The following MEGF10 variants were observed in gnomAD, a reference collection of about 807,000 sequenced individuals.
MEGF10 encodes multiple epidermal growth factor-like domains protein 10.
A neutral mutation model predicts 147.5 loss-of-function variants in MEGF10; 86 were observed. The ratio of observed to expected loss-of-function variants is 0.58; its 90% CI spans 0.49 to 0.70. MEGF10 has a LOEUF of 0.70. MEGF10 is among the 30% of genes least tolerant of loss of function. MEGF10 has a pLI of 0.00. For missense variants in MEGF10, 1,329 were observed against 1,487.3 expected, an observed-to-expected ratio of 0.89 and a Z score of 1.75; for synonymous variants, 478 against 525.5, an observed-to-expected ratio of 0.91 and a Z score of 1.24.
At chr5:127,325,842 T>C (rs1035686056) in intron 1 of MEGF10, among the ~76,000 whole-genome samples, 18 of 118,092 alleles carry the variant, frequency 1.5e-4, no homozygotes, top group East Asian at 6.4e-4. Flanking sequence ...TATATATATA[T>C]ACATATATGT....
intron 11 of MEGF10, 135 bp downstream of exon 11, chr5:127,419,375 A>G: frequency 9.6e-7 from 1 of 1,046,844 alleles, no homozygotes; most frequent in East Asian, 2.5e-5. Flanking sequence ...CAAGCCCCTC[A>G]TCCAGTATGG....
In MEGF10 at chr5:127,331,369, G is replaced by A; in HGVS notation, c.61G>A (p.Gly21Arg). The A allele has an allele frequency of 6.2e-7, 1 of 1,613,366 alleles. No homozygotes were observed. Among genetic ancestry groups the A allele is most frequent in the Non-Finnish European group, 8.5e-7 (1 of 1,179,470 alleles). Reference protein sequence around the residue: ...FICLLLCHWIGTASPLNLEDP... With the variant: ...FICLLLCHWIRTASPLNLEDP... Reference sequence around the variant, plus strand: ...TTGTTTATTGTTATGCCACTGGATTGGGACAGCATCACCTCTGAATCTTGA... The same window carrying A: ...TTGTTTATTGTTATGCCACTGGATTAGGACAGCATCACCTCTGAATCTTGA... The change falls in exon 2 of 25, where the codon GGG (glycine) becomes AGG (arginine). Residue 21 changes from glycine (G) to arginine (R), a missense_variant. Gly to Arg is a moderately radical substitution (Grantham distance 125, BLOSUM62 -2). Around this residue, in one of 3 missense-constraint regions of MEGF10, gnomAD observed 980 missense variants for 1,085.9 expected, o/e 0.90. Transcript: ENST00000503335.
chr5:127,306,732 T>C (rs1461615520), intron 1 of MEGF10, among the ~76,000 whole-genome samples: 1 of 152,176 alleles, frequency 6.6e-6, no homozygotes, highest in Non-Finnish European at 1.5e-5. Context: ...GGGGAACCCA[T>C]GGTTAGAGGA....
chr5:127,312,478 A>G lies in MEGF10; in HGVS notation c.-18-18813A>G, dbSNP rs953831174. On this transcript the variant is annotated intron_variant, in intron 1 of 24. Transcript: ENST00000503335. ...CTATTTTTTCATTTTTGTTTCAGAGAATAACAAAGTGCTTCATTAAACCCC... is the reference window on the plus strand; with the variant it reads ...CTATTTTTTCATTTTTGTTTCAGAGGATAACAAAGTGCTTCATTAAACCCC... 6.6e-5 allele frequency among the ~76,000 whole-genome samples: 10 copies of G among 152,284 alleles called. 1 individual carries two copies. Among genetic ancestry groups the G allele is most frequent in the African/African-American group, 1.9e-4 (8 of 41,564 alleles).
intron 5 of MEGF10, among the ~76,000 whole-genome samples, chr5:127,388,012 T>A (rs1763498311): frequency 1.3e-5 from 2 of 152,208 alleles, no homozygotes; most frequent in African/African-American, 2.4e-5. Context: ...TCTCATTTAT[T>A]CACCAGATAT....
intron 22 of MEGF10, among the ~76,000 whole-genome samples, chr5:127,453,868 G>GT (rs1766253719): frequency 6.6e-6 from 1 of 152,182 alleles, no homozygotes; most frequent in Admixed American, 6.5e-5. Context: ...ATTGATTTCT[G>GT]TAAGTGGTTG....
At chr5:127,383,580 A>G (rs1185991543) in intron 5 of MEGF10, among the ~76,000 whole-genome samples, 1 of 152,206 alleles carries the variant, frequency 6.6e-6, no homozygotes, top group Non-Finnish European at 1.5e-5. Flanking sequence ...AAATAATTCT[A>G]TATCTTATTT....
chr5:127,359,441 TA>T (rs1430640644), intron 4 of MEGF10, among the ~76,000 whole-genome samples: 1 of 152,114 alleles, frequency 6.6e-6, no homozygotes, highest in Non-Finnish European at 1.5e-5. Flanking sequence ...AATATTGACA[TA>T]TGTACACAAC....
intron 5 of MEGF10, among the ~76,000 whole-genome samples, chr5:127,385,633 G>A (rs1763400056): frequency 6.6e-6 from 1 of 152,032 alleles, no homozygotes; most frequent in Admixed American, 6.5e-5. Context: ...ACACCAGTGG[G>A]GTTAGTTATG....
the MEGF10 span, among the ~76,000 whole-genome samples, chr5:127,254,790 G>A: frequency 6.6e-6 from 1 of 150,466 alleles, no homozygotes; most frequent in Admixed American, 6.6e-5. Flanking sequence ...CAGCCTGGGT[G>A]ACAAAGTGAG....
At chr5:127,288,357 G>T (rs535013219), upstream of MEGF10, among the ~76,000 whole-genome samples, 29 of 152,126 alleles carry the variant, frequency 1.9e-4, no homozygotes, top group African/African-American at 6.5e-4. Context: ...TCTAACAAAT[G>T]CCTGGTATAT....
chr5:127,447,625 C>T lies in MEGF10; in HGVS notation c.2797C>T (p.Leu933Phe). 1 of 1,614,160 alleles carries T rather than the reference C, an allele frequency of 6.2e-7. No homozygotes were observed. Among genetic ancestry groups the T allele is most frequent in the South Asian group, 1.1e-5 (1 of 91,078 alleles). ...CTTCACCAATCCCAGTTACCACACGCTCACCCAGTGTGCCACATCCCCTCA... is the reference window on the plus strand; with the variant it reads ...CTTCACCAATCCCAGTTACCACACGTTCACCCAGTGTGCCACATCCCCTCA... Reference protein sequence around the residue: ...HYFTNPSYHTLTQCATSPHVN... With the variant: ...HYFTNPSYHTFTQCATSPHVN... The change falls in exon 21 of 25, where the codon CTC (leucine) becomes TTC (phenylalanine). Residue 933 changes from leucine to phenylalanine, a missense_variant. Leu to Phe is a conservative substitution (Grantham distance 22, BLOSUM62 0). Around this residue, in one of 3 missense-constraint regions of MEGF10, gnomAD observed 343 missense variants for 377.9 expected, o/e 0.91. Transcript: ENST00000503335.
intron 1 of MEGF10, among the ~76,000 whole-genome samples, chr5:127,317,554 G>A (rs148577713): frequency 3.8e-4 from 58 of 152,260 alleles, no homozygotes; most frequent in African/African-American, 1.2e-3. Flanking sequence ...TACACACCAC[G>A]GAATACTATG....
chr5:127,353,427 G>A (rs1053902713), intron 4 of MEGF10, among the ~76,000 whole-genome samples: 1 of 152,228 alleles, frequency 6.6e-6, no homozygotes, highest in African/African-American at 2.4e-5. Context: ...CACAGGAAAA[G>A]CAGCAGAAGA....
chr5:127,300,387 CTGT>C (rs1276932564), intron 1 of MEGF10, among the ~76,000 whole-genome samples: 3 of 152,054 alleles, frequency 2.0e-5, no homozygotes, highest in Non-Finnish European at 4.4e-5. Context: ...GTCCCTTTTA[CTGT>C]TGTTGTTTGT....
intron 5 of MEGF10, among the ~76,000 whole-genome samples, chr5:127,377,084 C>G (rs1416685735): frequency 1.3e-5 from 2 of 152,136 alleles, no homozygotes; most frequent in African/African-American, 4.8e-5. Context: ...CCCATCTAGA[C>G]TTTCCTCATT....
chr5:127,437,371 C>T (rs1199722685), intron 16 of MEGF10, among the ~76,000 whole-genome samples: 3 of 152,116 alleles, frequency 2.0e-5, no homozygotes, highest in Non-Finnish European at 2.9e-5. Flanking sequence ...AATGCTCACT[C>T]GAGACCTCAA....
the MEGF10 span, among the ~76,000 whole-genome samples, chr5:127,235,657 A>G: frequency 7.2e-5 from 11 of 152,186 alleles, no homozygotes; most frequent in South Asian, 2.1e-4. Flanking sequence ...GATCACCTCA[A>G]TGGCTTCCTT....
intron 4 of MEGF10, among the ~76,000 whole-genome samples, chr5:127,341,312 A>G (rs983859031): frequency 1.3e-5 from 2 of 152,148 alleles, no homozygotes; most frequent in African/African-American, 4.8e-5. Context: ...ATTAAAGACT[A>G]TTTTATTTGA....
Sources: allele counts gnomAD v4.1 joint callset (sites outside exome capture counted in the v4.1 genomes callset), GRCh38; gene constraint gnomAD v4.1.1; regional missense constraint gnomAD v4.1.1; transcripts MANE v1.5; gene names NCBI Gene and HGNC (gene_info 2026-07-23, HGNC 2026-07-21).